LIMD1: variants seen among roughly 807,000 people sequenced by gnomAD.
LIMD1 encodes the protein LIM domain-containing protein 1.
In LIMD1, 23 loss-of-function variants were observed where a neutral mutation model predicts 58.4. The observed-to-expected ratio is 0.39, with a 90% CI of 0.28 to 0.56. The LOEUF (loss-of-function observed/expected upper bound fraction) is 0.56. Among genes scored for constraint, LIMD1 ranks in the 20% least tolerant of loss-of-function variants. LIMD1 has a pLI of 0.57. For synonymous variants in LIMD1, 334 were observed against 345.5 expected, an observed-to-expected ratio of 0.97 and a Z score of 0.37; for missense variants, 838 against 855.5, an observed-to-expected ratio of 0.98 and a Z score of 0.25.
chr3:45,595,106 G>T lies in LIMD1; in HGVS notation c.227G>T (p.Gly76Val). Residue 76 changes from glycine to valine, a missense_variant, in exon 1 of 8, where the codon GGC becomes GTC. Transcript: ENST00000273317. ...GAGACTCTGCCCAGGGGGAGTAGAG[G>T]CCCTGTCAATGGAGGGGGCCGCCTG... ...QEETLPRGSR[G>V]PVNGGGRLGP... 1 of 1,611,014 alleles carries T rather than the reference G, an allele frequency of 6.2e-7. No individual in the cohort carries two copies.
intron 5 of LIMD1, 62 bp downstream of exon 5, chr3:45,672,882 G>A (rs1697610680): frequency 1.3e-6 from 2 of 1,595,022 alleles, no homozygotes; most frequent in Non-Finnish European, 1.7e-6. Flanking sequence ...TCAGCAGAGT[G>A]AGTGGTGGAA....
chr3:45,602,613 G>T (rs1161054419), intron 1 of LIMD1, among the ~76,000 whole-genome samples: 2 of 152,190 alleles, frequency 1.3e-5, no homozygotes, highest in Non-Finnish European at 2.9e-5. Context: ...GAATGGCCCT[G>T]CCCTGACCGG....
At chr3:45,606,866 C>T (rs1575343407) in intron 1 of LIMD1, among the ~76,000 whole-genome samples, 2 of 152,332 alleles carry the variant, frequency 1.3e-5, no homozygotes, top group South Asian at 4.1e-4. Context: ...AATATCTCAG[C>T]TCACTGCAAC....
intron 1 of LIMD1, among the ~76,000 whole-genome samples, chr3:45,624,718 G>T (rs1198814141): frequency 6.6e-6 from 1 of 151,812 alleles, no homozygotes; most frequent in Non-Finnish European, 1.5e-5. Flanking sequence ...GCGAGACTCC[G>T]CCTCAAAAAC....
chr3:45,600,867 C>G (rs988625389), intron 1 of LIMD1, among the ~76,000 whole-genome samples: 1 of 152,014 alleles, frequency 6.6e-6, no homozygotes, highest in African/African-American at 2.4e-5. Context: ...AGTTTAAGAC[C>G]AGCCTGGGCA....
chr3:45,595,324 G>A lies in LIMD1; in HGVS notation c.445G>A (p.Gly149Ser). The stretch of plus-strand genomic sequence containing the variant: ...CACGAGGCATGGCAGCCAGGACTGT[G>A]GTTCCAGGGAGAGCCTGGCGACTTC... ...HGTRHGSQDC[G>S]SRESLATSEM... The change falls in exon 1 of 8, where the codon GGT becomes AGT. Residue 149 changes from glycine (G) to serine (S), a missense_variant. Transcript: ENST00000273317. The A allele has an allele frequency of 1.2e-6, 2 of 1,613,566 alleles. No individual in the cohort carries two copies. Among genetic ancestry groups the A allele is most frequent in the Non-Finnish European group, 1.7e-6 (2 of 1,180,040 alleles).
At chr3:45,607,714 T>C (rs956932626) in intron 1 of LIMD1, among the ~76,000 whole-genome samples, 1 of 151,996 alleles carries the variant, frequency 6.6e-6, no homozygotes, top group Non-Finnish European at 1.5e-5. Context: ...AGTCAGGGGG[T>C]GAGCACATAT....
In LIMD1 at chr3:45,594,804, C is replaced by CACACACACACACACGGCACCTGG. The variant is rs1559510624; in HGVS notation, c.-62_-61insGGCACCTGGACACACACACACAC. 1.3e-5 allele frequency: 4 copies of CACACACACACACACGGCACCTGG among 313,594 alleles called. No homozygotes were observed. Among genetic ancestry groups the CACACACACACACACGGCACCTGG allele is most frequent in the African/African-American group, 9.2e-5 (4 of 43,576 alleles). 19.4% of individuals were successfully genotyped at this position (313,594 alleles called of 1,614,324 possible). ...ACACACACACACACACACACACACA[C>CACACACACACACACGGCACCTGG]ACACACACACACACACACACACACA... On this transcript the variant is annotated 5_prime_UTR_variant, in exon 1 of 8. Transcript: ENST00000273317.
Position 45,595,168 on chromosome 3 carries a change from C to A in LIMD1, c.289C>A (p.Leu97Met). 1 of 1,604,744 alleles carries A rather than the reference C, an allele frequency of 6.2e-7. No individual in the cohort carries two copies. The highest frequency in any genetic ancestry group is 8.5e-7 in the Non-Finnish European group (1 of 1,175,504). The change falls in exon 1 of 8, where the codon CTG becomes ATG. Residue 97 changes from leucine to methionine, a missense_variant. This residue lies in a region of LIMD1 where 659 missense variants were observed against 639.8 expected (regional missense o/e 1.03). Coordinates refer to ENST00000273317, the MANE Select transcript of LIMD1 (RefSeq NM_014240.3). ...CCGTTGGGAAGTTGTGGGCAGCAAGCTGACTGTGGATGGTGCTGCCAAGCC... is the reference window on the plus strand; with the variant it reads ...CCGTTGGGAAGTTGTGGGCAGCAAGATGACTGTGGATGGTGCTGCCAAGCC... ...QARWEVVGSKLTVDGAAKPPL... is the reference protein window; with the variant it reads ...QARWEVVGSKMTVDGAAKPPL...
chr3:45,594,894 C>T lies in LIMD1; in HGVS notation c.15C>T (p.Asp5=), dbSNP rs769418331. ...CTGTCTGCAGCATGGATAAGTATGA[C>T]GACCTGGGCCTGGAGGCCAGTAAAT... MDKY[D]DLGLEASKFI... The change falls in exon 1 of 8, where the codon GAC becomes GAT. Residue 5 remains aspartate (D), a synonymous_variant. Transcript: ENST00000273317. The T allele has an allele frequency of 1.2e-6, 2 of 1,607,714 alleles. No homozygotes were observed. Among genetic ancestry groups the T allele is most frequent in the South Asian group, 1.1e-5 (1 of 90,480 alleles).
intron 2 of LIMD1, among the ~76,000 whole-genome samples, chr3:45,644,852 G>A (rs553036315): frequency 2.0e-5 from 3 of 152,296 alleles, no homozygotes; most frequent in Admixed American, 1.3e-4. Flanking sequence ...GGCCACCCTC[G>A]AGTTGTGAGT....
intron 1 of LIMD1, among the ~76,000 whole-genome samples, chr3:45,603,175 T>C (rs558388096): frequency 5.9e-5 from 9 of 152,302 alleles, no homozygotes; most frequent in African/African-American, 2.2e-4. Flanking sequence ...TATCAGACTT[T>C]ATTAGCAATA....
rs1425512301 is a variant in LIMD1, at chr3:45,679,354, A to C, written c.*2295A>C. 6.6e-6 allele frequency: 1 copy of C among 152,138 alleles called. No homozygotes were observed. The highest frequency in any genetic ancestry group is 2.4e-5 in the African/African-American group (1 of 41,430). The allele number at this position is 152,138 out of a possible 1,614,324, so 9.4% of individuals were successfully genotyped here. On this transcript the variant is annotated 3_prime_UTR_variant, in exon 8 of 8. Transcript: ENST00000273317. ...TCCCTGGAGAAGGCGCCAGATAGGA[A>C]TCTCCAATCAGTTGTTTTTCTCTTC...
chr3:45,647,930 C>T (rs931510992), intron 2 of LIMD1, among the ~76,000 whole-genome samples: 1 of 152,132 alleles, frequency 6.6e-6, no homozygotes, highest in African/African-American at 2.4e-5. Context: ...CCATCACCAC[C>T]CAGGTGAATA....
rs546102676 is a variant in LIMD1 at position 45,655,403 on chromosome 3, A to G, written c.1511-10247A>G. ...GACGATTCTGAAACTAGAATTATAA[A>G]GATGTAACACTGACACTCCCACCCC... is the stretch of plus-strand genomic sequence containing the variant. On this transcript the variant is annotated intron_variant, in intron 2 of 7. Coordinates refer to ENST00000273317, the MANE Select transcript of LIMD1 (RefSeq NM_014240.3). Among the ~76,000 whole-genome samples the G allele has an allele frequency of 2.0e-5, 3 of 152,324 alleles. No homozygotes were observed. The South Asian group carries it at 6.2e-4, about 32-fold the overall frequency.
chr3:45,658,995 A>G (rs958100415), intron 2 of LIMD1, among the ~76,000 whole-genome samples: 1 of 152,102 alleles, frequency 6.6e-6, no homozygotes, highest in Non-Finnish European at 1.5e-5. Flanking sequence ...TTTTCACATT[A>G]TAACATAAGG....
At chr3:45,599,959 C>A (rs774325663) in intron 1 of LIMD1, among the ~76,000 whole-genome samples, 1 of 152,196 alleles carries the variant, frequency 6.6e-6, no homozygotes, top group Non-Finnish European at 1.5e-5. Context: ...TTGCCTGGCC[C>A]TGTGTGGGGA....
chr3:45,676,026 T>A (rs1314056394), intron 7 of LIMD1, among the ~76,000 whole-genome samples: 1 of 151,962 alleles, frequency 6.6e-6, no homozygotes, highest in Non-Finnish European at 1.5e-5. Flanking sequence ...GGCAGATCAC[T>A]TGAGGTCAGG....
chr3:45,610,322 C>T (rs142842078), intron 1 of LIMD1, among the ~76,000 whole-genome samples: 94 of 152,288 alleles, frequency 6.2e-4, no homozygotes, highest in South Asian at 1.7e-3. Context: ...CCTACACTGA[C>T]GTGGTAGGGA....
Sources: gnomAD v4.1 joint callset for allele counts (sites outside exome capture counted in the v4.1 genomes callset) on GRCh38, gnomAD v4.1.1 for gene constraint, gnomAD v4.1.1 regional missense constraint, MANE v1.5 for transcripts, NCBI Gene and HGNC (gene_info 2026-07-23, HGNC 2026-07-21) for gene names.